CNTNAP2: variants seen among roughly 807,000 people sequenced by gnomAD.
The protein encoded by CNTNAP2 is contactin-associated protein-like 2.
A neutral mutation model predicts 155.2 loss-of-function variants in CNTNAP2; 98 were observed. The ratio of observed to expected loss-of-function variants is 0.63; its 90% CI spans 0.54 to 0.75. CNTNAP2 has a LOEUF of 0.75. Among genes scored for constraint, CNTNAP2 ranks in the 30% least tolerant of loss-of-function variants. The probability of loss-of-function intolerance (pLI) is 0.00; values close to 1 mark genes in which losing one functional copy is unlikely to be tolerated. For synonymous variants in CNTNAP2, 651 were observed against 631.2 expected (o/e 1.03, Z -0.47); for missense variants, 1,727 against 1,688.1 (o/e 1.02, Z -0.40).
In CNTNAP2 at chr7:148,366,136, A is replaced by C. The variant is rs13310210; in HGVS notation, c.3476-17513A>C. Among the ~76,000 whole-genome samples the C allele has an allele frequency of 2.8e-4, 7 of 25,446 alleles. 3 individuals are homozygous for C. Among genetic ancestry groups the C allele is most frequent in the Non-Finnish European group, 3.8e-4 (4 of 10,654 alleles). 16.7% of individuals were successfully genotyped at this position (25,446 alleles called of 152,430 possible). A position where few individuals can be genotyped will look rare whatever the true frequency, so the allele number is the denominator to read the frequency against. ...TGCATGTATGTGTATGCATGTATGC[A>C]TGTATGTGTATGCATGTATGCATGT... is the stretch of plus-strand genomic sequence containing the variant. On this transcript the variant is annotated intron_variant, in intron 21 of 23. Transcript: ENST00000361727.
At chr7:147,262,749 T>C (rs1452204738) in intron 8 of CNTNAP2, among the ~76,000 whole-genome samples, 1 of 152,092 alleles carries the variant, frequency 6.6e-6, no homozygotes, top group Non-Finnish European at 1.5e-5. Context: ...GAGCTTGCAG[T>C]GAGCCGAGAT....
At chr7:146,628,638 GA>G (rs990275993) in intron 1 of CNTNAP2, among the ~76,000 whole-genome samples, 8 of 151,992 alleles carry the variant, frequency 5.3e-5, no homozygotes, top group Admixed American at 3.9e-4. Context: ...ATAAAAAAAT[GA>G]AAAAAGAAAA....
chr7:147,623,579 A>G (rs1794909713), intron 12 of CNTNAP2, among the ~76,000 whole-genome samples: 1 of 151,994 alleles, frequency 6.6e-6, no homozygotes, highest in African/African-American at 2.4e-5. Flanking sequence ...AAAATATAAA[A>G]CACTCATGAA....
intron 1 of CNTNAP2, among the ~76,000 whole-genome samples, chr7:146,502,231 A>ATGTGTG (rs201001456): frequency 0.069 from 4,506 of 64,926 alleles, 199 homozygotes; most frequent in African/African-American, 0.16. Flanking sequence ...ATGAATATAT[A>ATGTGTG]TATATATATA....
intron 4 of CNTNAP2, among the ~76,000 whole-genome samples, chr7:147,066,533 A>T (rs1799782282): frequency 6.6e-6 from 1 of 152,190 alleles, no homozygotes; most frequent in South Asian, 2.1e-4. Flanking sequence ...AATTCTATTT[A>T]AGCCTTACAG....
At chr7:147,438,091 A>T (rs1797581607) in intron 10 of CNTNAP2, among the ~76,000 whole-genome samples, 1 of 152,038 alleles carries the variant, frequency 6.6e-6, no homozygotes, top group Non-Finnish European at 1.5e-5. Context: ...TTCCAATTTG[A>T]ATGCCGTTTA....
At chr7:147,648,359 CATTT>C (rs1158845571) in intron 13 of CNTNAP2, among the ~76,000 whole-genome samples, 3 of 152,134 alleles carry the variant, frequency 2.0e-5, no homozygotes, top group Admixed American at 6.5e-5. Flanking sequence ...CCATTCTAGA[CATTT>C]ATCTCATTTA....
At chr7:146,887,273 C>T (rs1428560969) in intron 3 of CNTNAP2, among the ~76,000 whole-genome samples, 2 of 151,808 alleles carry the variant, frequency 1.3e-5, no homozygotes, top group South Asian at 2.1e-4. Context: ...CTCAGCCTCC[C>T]GAGTAGCTGG....
At chr7:147,831,534 C>T (rs369143073) in intron 13 of CNTNAP2, among the ~76,000 whole-genome samples, 1 of 152,132 alleles carries the variant, frequency 6.6e-6, no homozygotes, top group Admixed American at 6.6e-5. Context: ...AGGAGAACAA[C>T]GTGTAAGACA....
intron 9 of CNTNAP2, among the ~76,000 whole-genome samples, chr7:147,357,357 C>T (rs1563173287): frequency 6.6e-6 from 1 of 152,058 alleles, no homozygotes; most frequent in Non-Finnish European, 1.5e-5. Context: ...CCTCTCCACA[C>T]AGCATTCTTA....
At chr7:147,975,262 A>G (rs996746548) in intron 14 of CNTNAP2, among the ~76,000 whole-genome samples, 3 of 152,160 alleles carry the variant, frequency 2.0e-5, no homozygotes, top group Non-Finnish European at 2.9e-5. Flanking sequence ...AAGCTCATCT[A>G]TGATGACAGT....
chr7:147,978,364 A>C (rs1199754748), intron 15 of CNTNAP2, among the ~76,000 whole-genome samples: 1 of 152,130 alleles, frequency 6.6e-6, no homozygotes, highest in Non-Finnish European at 1.5e-5. Flanking sequence ...AACCGAGTTT[A>C]TGGTGATATA....
intron 9 of CNTNAP2, among the ~76,000 whole-genome samples, chr7:147,392,977 A>T (rs1329766417): frequency 6.6e-6 from 1 of 152,096 alleles, no homozygotes; most frequent in African/African-American, 2.4e-5. Context: ...AACAATGATG[A>T]ATATTCATTA....
chr7:146,447,917 C>T (rs918214104), intron 1 of CNTNAP2, among the ~76,000 whole-genome samples: 11 of 151,896 alleles, frequency 7.2e-5, no homozygotes, highest in East Asian at 1.9e-4. Context: ...TTACGTCATA[C>T]GCACATTTGA....
At chr7:146,549,225 A>C (rs1334159843) in intron 1 of CNTNAP2, among the ~76,000 whole-genome samples, 1 of 151,988 alleles carries the variant, frequency 6.6e-6, no homozygotes, top group Non-Finnish European at 1.5e-5. Flanking sequence ...TTAAATTACT[A>C]AATTGATAGC....
At chr7:147,754,853 G>T (rs778969441) in intron 13 of CNTNAP2, among the ~76,000 whole-genome samples, 2 of 152,180 alleles carry the variant, frequency 1.3e-5, no homozygotes, top group Non-Finnish European at 2.9e-5. Flanking sequence ...ATGAGGCTTA[G>T]TGACGGATCC....
intron 1 of CNTNAP2, among the ~76,000 whole-genome samples, chr7:146,402,323 C>G (rs1384533772): frequency 2.0e-5 from 3 of 152,150 alleles, no homozygotes; most frequent in African/African-American, 2.4e-5. Context: ...ACTATCTACA[C>G]TTTGCATGTC....
chr7:146,633,359 A>G (rs926973244), intron 1 of CNTNAP2, among the ~76,000 whole-genome samples: 7 of 152,158 alleles, frequency 4.6e-5, no homozygotes, highest in East Asian at 3.9e-4. Context: ...AAAAAATTCT[A>G]TATCTGGAAA....
intron 21 of CNTNAP2, among the ~76,000 whole-genome samples, chr7:148,327,845 C>T (rs549508197): frequency 6.6e-6 from 1 of 152,162 alleles, no homozygotes; most frequent in South Asian, 2.1e-4. Flanking sequence ...CACTGCCCTG[C>T]ACCGCCCCCA....
Sources: allele counts gnomAD v4.1 joint callset (sites outside exome capture counted in the v4.1 genomes callset), GRCh38; gene constraint gnomAD v4.1.1; transcripts MANE v1.5; gene names NCBI Gene and HGNC (gene_info 2026-07-23, HGNC 2026-07-21).